PLCE1: variants seen among roughly 807,000 people sequenced by gnomAD.
PLCE1 encodes phospholipase C epsilon 1.
Under a neutral mutation model 242.8 loss-of-function variants are expected in PLCE1, and 119 were observed. The ratio of observed to expected loss-of-function variants is 0.49; its 90% CI spans 0.42 to 0.57. PLCE1 has a LOEUF of 0.57. PLCE1 is among the 20% of genes least tolerant of loss of function. The pLI is 0.00. For synonymous variants in PLCE1, 945 were observed against 1,017.4 expected, an observed-to-expected ratio of 0.93 and a Z score of 1.35; for missense variants, 2,441 against 2,788.8, an observed-to-expected ratio of 0.88 and a Z score of 2.81.
At chr10:94,320,956 A>G (rs1473793925) in intron 29 of PLCE1, among the ~76,000 whole-genome samples, 1 of 152,192 alleles carries the variant, frequency 6.6e-6, no homozygotes, top group East Asian at 1.9e-4. Context: ...TGAGAATGGG[A>G]AAAGTTTGGT....
At chr10:94,130,261 C>T (rs1387420824) in intron 2 of PLCE1, among the ~76,000 whole-genome samples, 3 of 152,106 alleles carry the variant, frequency 2.0e-5, no homozygotes, top group Admixed American at 2.0e-4. Context: ...ATAATATTGC[C>T]CAGAAACACA....
chr10:94,250,305 C>G (rs2050832131), intron 8 of PLCE1, among the ~76,000 whole-genome samples: 1 of 152,064 alleles, frequency 6.6e-6, no homozygotes, highest in African/African-American at 2.4e-5. Flanking sequence ...GGTTCGAGAC[C>G]AGCCTGGCCA....
At chr10:94,326,344 GC>G (rs1398616725) in intron 32 of PLCE1, among the ~76,000 whole-genome samples, 2 of 152,100 alleles carry the variant, frequency 1.3e-5, no homozygotes, top group Non-Finnish European at 2.9e-5. Flanking sequence ...CCAAAAGAAG[GC>G]CCAATACATT....
intron 2 of PLCE1, among the ~76,000 whole-genome samples, chr10:94,063,888 G>A (rs1361228728): frequency 1.3e-5 from 2 of 152,076 alleles, no homozygotes. Flanking sequence ...AGAAGGAAGA[G>A]TAAAGAGTTT....
Position 94,202,781 on chromosome 10 carries a change from G to C in PLCE1, c.1810-24525G>C, listed in dbSNP as rs143233584. Among the ~76,000 whole-genome samples the C allele has an allele frequency of 1.2e-4, 18 of 152,278 alleles. No homozygotes were observed. In the East Asian group the frequency reaches 3.3e-3, roughly 28 times the overall value. ...CCTGACCTAAGTGTGGCTCATCACA[G>C]TTTCATTCTGAAAACTGACATCTCT... On this transcript the variant is annotated intron_variant, in intron 4 of 32. Coordinates refer to ENST00000371380, the MANE Select transcript of PLCE1 (RefSeq NM_016341.4).
chr10:94,145,114 C>T (rs1046190696), intron 3 of PLCE1, among the ~76,000 whole-genome samples: 1 of 152,228 alleles, frequency 6.6e-6, no homozygotes, highest in African/African-American at 2.4e-5. Flanking sequence ...CCCTTCCAGC[C>T]CTCATTGTAC....
intron 2 of PLCE1, among the ~76,000 whole-genome samples, chr10:94,121,937 G>T (rs1434939574): frequency 6.6e-6 from 1 of 152,228 alleles, no homozygotes; most frequent in African/African-American, 2.4e-5. Flanking sequence ...GACATTTCCA[G>T]CTGGGCAGAG....
chr10:94,271,332 T>C (rs2051724987), intron 18 of PLCE1, among the ~76,000 whole-genome samples: 1 of 128,162 alleles, frequency 7.8e-6, no homozygotes, highest in Non-Finnish European at 1.7e-5. Context: ...TTTTTTTTTT[T>C]GCGATGGAGT....
At chr10:94,266,201 G>C (rs1213261705) in intron 16 of PLCE1, among the ~76,000 whole-genome samples, 1 of 152,062 alleles carries the variant, frequency 6.6e-6, no homozygotes, top group Non-Finnish European at 1.5e-5. Context: ...CAAAATGAAA[G>C]TGTTTGTTTG....
chr10:94,078,823 G>T (rs1328406305), intron 2 of PLCE1, among the ~76,000 whole-genome samples: 5 of 152,132 alleles, frequency 3.3e-5, no homozygotes, highest in Non-Finnish European at 7.4e-5. Context: ...ACAACATTTT[G>T]CATGCTTGCT....
At chr10:94,299,238 A>G (rs562723799) in intron 24 of PLCE1, among the ~76,000 whole-genome samples, 89 of 152,340 alleles carry the variant, frequency 5.8e-4, no homozygotes, top group Admixed American at 1.9e-3. Context: ...TATGACGCCT[A>G]AAACTCCAGA....
intron 2 of PLCE1, among the ~76,000 whole-genome samples, chr10:94,101,938 C>A (rs12779555): frequency 6.6e-6 from 1 of 152,198 alleles, no homozygotes; most frequent in African/African-American, 2.4e-5. Flanking sequence ...CTGGGGACCA[C>A]AGGGGCTATG....
rs112078461 is a variant in PLCE1, at chr10:94,245,507, A to ATT, written c.2421-430_2421-429dup. On this transcript the variant is annotated intron_variant, in intron 7 of 32. Coordinates refer to ENST00000371380, the MANE Select transcript of PLCE1 (RefSeq NM_016341.4). ...ATACGGTTATAAAAAGTTACTCAAAATTTTTTTTTTGCTCTGTCGCCTAGG... is the reference window on the plus strand; with the variant it reads ...ATACGGTTATAAAAAGTTACTCAAAATTTTTTTTTTTTGCTCTGTCGCCTAGG... Among the ~76,000 whole-genome samples the ATT allele has an allele frequency of 4.0e-5, 6 of 151,186 alleles. 1 individual carries two copies. The Middle Eastern group carries it at 0.01, about 257-fold the overall frequency.
intron 2 of PLCE1, among the ~76,000 whole-genome samples, chr10:94,062,334 G>A (rs759356142): frequency 2.0e-5 from 3 of 151,918 alleles, no homozygotes; most frequent in Non-Finnish European, 2.9e-5. Flanking sequence ...AGATTGGAGT[G>A]CAGTGGCTAT....
At chr10:94,256,323 C>CAAAAA (rs1316929334) in intron 11 of PLCE1, among the ~76,000 whole-genome samples, 4 of 56,112 alleles carry the variant, frequency 7.1e-5, no homozygotes, top group African/African-American at 1.4e-4. Context: ...GAGCTTGTCT[C>CAAAAA]AAAAAAAAAA....
At chr10:94,270,969 C>T (rs1247878062) in intron 18 of PLCE1, among the ~76,000 whole-genome samples, 2 of 152,114 alleles carry the variant, frequency 1.3e-5, no homozygotes, top group Non-Finnish European at 2.9e-5. Flanking sequence ...TGCACCCAGC[C>T]GTCATTAGGT....
chr10:94,139,991 G>A (rs1340017682), intron 3 of PLCE1, among the ~76,000 whole-genome samples: 1 of 151,838 alleles, frequency 6.6e-6, no homozygotes, highest in Non-Finnish European at 1.5e-5. Flanking sequence ...TGGTAGTCTA[G>A]TTTCCTTTTT....
At chr10:94,321,245 A>G (rs1276356686) in intron 29 of PLCE1, among the ~76,000 whole-genome samples, 2 of 152,226 alleles carry the variant, frequency 1.3e-5, no homozygotes, top group Non-Finnish European at 2.9e-5. Context: ...TTTCTTTTAA[A>G]TACAATTTAC....
intron 16 of PLCE1, among the ~76,000 whole-genome samples, chr10:94,268,562 A>C (rs1395890048): frequency 1.3e-5 from 2 of 152,148 alleles, no homozygotes; most frequent in Non-Finnish European, 2.9e-5. Flanking sequence ...TGGCATCAGC[A>C]TTTTCACCTC....
Sources: gnomAD v4.1 joint callset for allele counts (sites outside exome capture counted in the v4.1 genomes callset) on GRCh38, gnomAD v4.1.1 for gene constraint, MANE v1.5 for transcripts, NCBI Gene and HGNC (gene_info 2026-07-23, HGNC 2026-07-21) for gene names.